RHEX: variants seen among roughly 807,000 people sequenced by gnomAD.
RHEX encodes the protein regulator of hemoglobinization and erythroid cell expansion.
A neutral mutation model predicts 20.1 loss-of-function variants in RHEX; 18 were observed. That is an observed-to-expected ratio of 0.90 (90% CI 0.62 to 1.33). The LOEUF is 1.33. Among genes scored for constraint, RHEX ranks in the 40% most tolerant of loss-of-function variants. The pLI, the probability that RHEX is intolerant of heterozygous loss-of-function variation, is 0.00. For missense variants in RHEX, 192 were observed against 214.3 expected (o/e 0.90, Z 0.65); for synonymous variants, 87 against 77.1 (o/e 1.13, Z -0.67).
intron 1 of RHEX, among the ~76,000 whole-genome samples, chr1:206,069,449 C>T (rs1662488472): frequency 6.6e-6 from 1 of 152,202 alleles, no homozygotes; most frequent in African/African-American, 2.4e-5. Context: ...ACGTCCCGAG[C>T]CAGGGCTCAA....
Position 206,067,916 on chromosome 1 carries a change from T to G in RHEX, c.-97+14651T>G, listed in dbSNP as rs542867541. 9.5e-4 allele frequency among the ~76,000 whole-genome samples: 145 copies of G among 152,328 alleles called. No individual in the cohort carries two copies. Among genetic ancestry groups the G allele is most frequent in the African/African-American group, 3.4e-3 (143 of 41,574 alleles). On this transcript the variant is annotated intron_variant, in intron 1 of 5. Transcript: ENST00000331555. This position sits in a 1 kb window ranked among gnomAD's most constrained non-coding sequence, Gnocchi z 4.6. ...TGCACCTGCAACAGATGACAGCTAC[T>G]TCTGTCTTCTAAGGAGGGTGGAATG... is the stretch of plus-strand genomic sequence containing the variant.
At chr1:206,100,411 C>T (rs1663165138) in intron 4 of RHEX, among the ~76,000 whole-genome samples, 1 of 152,250 alleles carries the variant, frequency 6.6e-6, no homozygotes, top group South Asian at 2.1e-4. Context: ...GATTGCACTT[C>T]TTCCACTGGT....
chr1:206,074,681 G>A (rs28373143), intron 1 of RHEX, among the ~76,000 whole-genome samples: 19,274 of 152,046 alleles, frequency 0.13, 1,338 homozygotes, highest in South Asian at 0.2. Flanking sequence ...TTACAGGTTC[G>A]GTACCCCTAC....
intron 1 of RHEX, among the ~76,000 whole-genome samples, chr1:206,071,761 A>C (rs1662533057): frequency 6.6e-6 from 1 of 151,328 alleles, no homozygotes; most frequent in Non-Finnish European, 1.5e-5. Flanking sequence ...AGGCAGGAGG[A>C]TCCCTTGAGC....
In RHEX at chr1:206,069,102, G is replaced by A. The variant is rs779306102; in HGVS notation, c.-97+15837G>A. ...AATGCTTAATGAGGCAGTAAGAGAC[G>A]TCTCTCTTGGGCAGTACTTCCCAAC... On this transcript the variant is annotated intron_variant, in intron 1 of 5. Coordinates refer to ENST00000331555, the MANE Select transcript of RHEX (RefSeq NM_001007544.4). 6.6e-5 allele frequency among the ~76,000 whole-genome samples: 10 copies of A among 152,208 alleles called. No individual in the cohort carries two copies. The East Asian group carries it at 7.7e-4, about 12-fold the overall frequency.
chr1:206,066,320 A>C (rs1288772691), intron 1 of RHEX, among the ~76,000 whole-genome samples: 4 of 152,244 alleles, frequency 2.6e-5, no homozygotes, highest in African/African-American at 9.6e-5. Context: ...CTTTCTTATA[A>C]AGGGTTACAA....
In RHEX at chr1:206,097,795, G is replaced by A. The variant is rs1553287876; in HGVS notation, c.-34G>A. ...AGGTGCCAGGGTGGTTCCTGAAAGT[G>A]CCTGAGCCCCAACTTATCAGCAAGG... On this transcript the variant is annotated 5_prime_UTR_variant, in exon 2 of 6. Coordinates refer to ENST00000331555, the MANE Select transcript of RHEX (RefSeq NM_001007544.4). 3 of 1,614,130 alleles carry A rather than the reference G, an allele frequency of 1.9e-6. No individual in the cohort carries two copies. The highest frequency in any genetic ancestry group is 1.7e-4 in the Middle Eastern group (1 of 6,060).
chr1:206,085,735 C>A (rs562580233), intron 1 of RHEX, among the ~76,000 whole-genome samples: 1 of 152,188 alleles, frequency 6.6e-6, no homozygotes, highest in Admixed American at 6.5e-5. Context: ...CTTTTTAGTC[C>A]ATTTCAGAAA....
intron 1 of RHEX, among the ~76,000 whole-genome samples, chr1:206,075,353 G>A (rs1420649046): frequency 1.3e-5 from 2 of 152,170 alleles, no homozygotes; most frequent in African/African-American, 4.8e-5. Context: ...TGAAAAGAGT[G>A]GATCATTGGC....
chr1:206,101,053 C>G, intron 4 of RHEX, 83 bp from the exon 5 acceptor site: 1 of 1,109,214 alleles, frequency 9.0e-7, no homozygotes, highest in Non-Finnish European at 1.3e-6. Context: ...GATAATAAGA[C>G]AATTCTCCCT....
intron 1 of RHEX, among the ~76,000 whole-genome samples, chr1:206,063,898 G>C (rs1553283723): frequency 6.6e-6 from 1 of 150,764 alleles, no homozygotes; most frequent in East Asian, 2.0e-4. Flanking sequence ...GCCCAGTCTG[G>C]AAAGTGAGGA....
At chr1:206,099,301 G>A (rs1379750523) in intron 3 of RHEX, among the ~76,000 whole-genome samples, 2 of 151,942 alleles carry the variant, frequency 1.3e-5, no homozygotes, top group African/African-American at 4.8e-5. Context: ...GAGCCGATGT[G>A]CCTAACCCAG....
At chr1:206,082,379 G>A (rs28488355) in intron 1 of RHEX, among the ~76,000 whole-genome samples, 2,348 of 152,102 alleles carry the variant, frequency 0.015, 54 homozygotes, top group African/African-American at 0.053. Context: ...TTAGCCAGGT[G>A]TGGTGGCACT....
rs1553287952 is a variant in RHEX, at chr1:206,098,118, G to C, written c.49G>C (p.Val17Leu). ...EVWHGLVIAV[V>L]SLFLQACFLT... ...CTGGCATGGCTTAGTGATCGCGGTG[G>C]TGTCCCTCTTCCTGCAGGCCTGCTT... The change falls in exon 3 of 6, where the codon GTG becomes CTG. Residue 17 changes from valine (V) to leucine (L), a missense_variant. Physicochemically the swap from Val to Leu is conservative, Grantham distance 32 (BLOSUM62 1). Coordinates refer to ENST00000331555, the MANE Select transcript of RHEX (RefSeq NM_001007544.4). 5.6e-6 allele frequency: 9 copies of C among 1,613,990 alleles called. No homozygotes were observed. The highest frequency in any genetic ancestry group is 7.6e-6 in the Non-Finnish European group (9 of 1,180,000).
intron 1 of RHEX, among the ~76,000 whole-genome samples, chr1:206,058,626 A>AT (rs1662245240): frequency 6.6e-6 from 1 of 152,224 alleles, no homozygotes; most frequent in Non-Finnish European, 1.5e-5. Context: ...TTATTCATAG[A>AT]TTCCAGACAT....
At chr1:206,097,652 G>C in intron 1 of RHEX, 81 bp from the exon 2 acceptor site, 1 of 785,616 alleles carries the variant, frequency 1.3e-6, no homozygotes, top group Admixed American at 2.3e-5. Flanking sequence ...TGTCACAATT[G>C]ATCCTCAAGT....
rs994059387 is a variant in RHEX at position 206,102,234 on chromosome 1, T to C, written c.*282T>C. On this transcript the variant is annotated 3_prime_UTR_variant, in exon 6 of 6. Coordinates refer to ENST00000331555, the MANE Select transcript of RHEX (RefSeq NM_001007544.4). Reference sequence around the variant, plus strand: ...GGCAAGAAAGGTTGAGATCAGATGTTAGGAAGAACTTTCAGGTAAAGTATG... The same window carrying C: ...GGCAAGAAAGGTTGAGATCAGATGTCAGGAAGAACTTTCAGGTAAAGTATG... The C allele has an allele frequency of 2.2e-6, 1 of 448,058 alleles. No individual in the cohort carries two copies. Among genetic ancestry groups the C allele is most frequent in the African/African-American group, 2.0e-5 (1 of 50,926 alleles). 27.8% of individuals were successfully genotyped at this position (448,058 alleles called of 1,614,324 possible).
At chr1:206,088,362 A>C (rs781882260) in intron 1 of RHEX, among the ~76,000 whole-genome samples, 1 of 152,224 alleles carries the variant, frequency 6.6e-6, no homozygotes, top group Non-Finnish European at 1.5e-5. Flanking sequence ...GAATAAATCT[A>C]TATTTGATAA....
At chr1:206,066,798 T>C (rs782372772) in intron 1 of RHEX, among the ~76,000 whole-genome samples, 4 of 152,208 alleles carry the variant, frequency 2.6e-5, no homozygotes, top group Non-Finnish European at 5.9e-5. Flanking sequence ...CTAATGCATG[T>C]GTAGTGCATA....
Sources: gnomAD v4.1 joint callset for allele counts (sites outside exome capture counted in the v4.1 genomes callset) on GRCh38, gnomAD v4.1.1 for gene constraint, Gnocchi (gnomAD v3.1) non-coding constraint, MANE v1.5 for transcripts, NCBI Gene and HGNC (gene_info 2026-07-23, HGNC 2026-07-21) for gene names.